Variants in RP1 observed in about 807,000 individuals in gnomAD.
RP1 encodes the protein RP1 axonemal microtubule associated.
RP1 carries 16 observed loss-of-function variants against 14.8 expected under a neutral mutation model. The observed-to-expected ratio is 1.08, with a 90% CI of 0.73 to 1.65. The LOEUF (loss-of-function observed/expected upper bound fraction) is 1.65. Ranked by LOEUF, RP1 falls within the 40% of genes most tolerant of loss-of-function variation. The pLI is 0.00. For missense variants in RP1, 2,631 were observed against 2,535.0 expected (o/e 1.04, Z -0.81); for synonymous variants, 876 against 883.6 (o/e 0.99, Z 0.15).
intron 14 of RP1, among the ~76,000 whole-genome samples, chr8:54,705,332 G>T (rs1209185850): frequency 6.6e-6 from 1 of 152,234 alleles, no homozygotes; most frequent in African/African-American, 2.4e-5. Flanking sequence ...AACATGGAAT[G>T]TGCACTGGTT....
chr8:54,852,806 A>T lies in RP1; in HGVS notation c.3990+78A>T, dbSNP rs144578469. The T allele has an allele frequency of 1.5e-4, 165 of 1,091,960 alleles. No homozygotes were observed. In the African/African-American group the frequency reaches 1.7e-3, roughly 11 times the overall value. The allele number at this position is 1,091,960 out of a possible 1,614,324, so 67.6% of individuals were successfully genotyped here. A position where few individuals can be genotyped will look rare whatever the true frequency, so the allele number is the denominator to read the frequency against. On this transcript the variant is annotated intron_variant, in intron 26 of 28. Coordinates refer to the RP1 transcript ENST00000637698. The stretch of plus-strand genomic sequence containing the variant: ...ATTTAACAAAAACACACACAAACAG[A>T]AAATTTCTGAGATGCTCAGTTGATT...
At position 54,624,153 on chromosome 8, in the gene RP1, A is replaced by T. The variant is rs556164123; in HGVS notation, c.788-517A>T. ...GTTTTCTCAAATAACTATTGGGAAA[A>T]CACATAGGCTGAGCGTGGTGGCTCA... is the stretch of plus-strand genomic sequence containing the variant. On this transcript the variant is annotated intron_variant, in intron 3 of 3. Coordinates refer to ENST00000220676, the MANE Select transcript of RP1 (RefSeq NM_006269.2). 1.7e-3 allele frequency among the ~76,000 whole-genome samples: 262 copies of T among 152,274 alleles called. 2 individuals carry two copies. Among genetic ancestry groups the T allele is most frequent in the South Asian group, 0.011 (51 of 4,820 alleles).
chr8:54,819,290 C>T (rs537091084), intron 24 of RP1, among the ~76,000 whole-genome samples: 113 of 152,048 alleles, frequency 7.4e-4, no homozygotes, highest in African/African-American at 2.6e-3. Flanking sequence ...TTTTCAGCTC[C>T]AGAATTTTTG....
chr8:54,740,125 A>C (rs1425136505), intron 19 of RP1, among the ~76,000 whole-genome samples: 2 of 149,478 alleles, frequency 1.3e-5, no homozygotes, highest in Admixed American at 6.7e-5. Context: ...GAGTGTACTC[A>C]TTCTACTTAT....
In RP1 at chr8:54,855,963, ACACACACACC is replaced by A. The variant is rs766416548; in HGVS notation, c.3991-1063_3991-1054del. ...CACACACACACACACACACACACAC[ACACACACACC>A]CCCTATAACCCAGCTGTTTCCCAAC... On this transcript the variant is annotated intron_variant, in intron 26 of 28. Transcript: ENST00000637698. Among the ~76,000 whole-genome samples the A allele has an allele frequency of 9.3e-3, 1,174 of 126,478 alleles. 10 individuals carry two copies. Among genetic ancestry groups the A allele is most frequent in the Non-Finnish European group, 0.013 (788 of 61,972 alleles). 83.0% of individuals were successfully genotyped at this position (126,478 alleles called of 152,430 possible). A position where few individuals can be genotyped will look rare whatever the true frequency, so the allele number is the denominator to read the frequency against.
Position 54,625,142 on chromosome 8 carries a change from C to T in RP1, c.1260C>T (p.Cys420=). Residue 420 remains cysteine, a synonymous_variant, in exon 4 of 4, where the codon TGC becomes TGT. Transcript: ENST00000220676. ...TGACAGATCAAGTGGCTGAAACTTGCAGTTCTGCTAGTTGGGAGAATGCTA... is the reference window on the plus strand; with the variant it reads ...TGACAGATCAAGTGGCTGAAACTTGTAGTTCTGCTAGTTGGGAGAATGCTA... The part of the protein sequence containing the change: ...IQMTDQVAET[C]SSASWENATV... 6.2e-7 allele frequency: 1 copy of T among 1,614,150 alleles called. No individual in the cohort carries two copies. Among genetic ancestry groups the T allele is most frequent in the South Asian group, 1.1e-5 (1 of 91,080 alleles).
At chr8:54,668,462 A>G (rs1275049700) in intron 7 of RP1, among the ~76,000 whole-genome samples, 2 of 152,204 alleles carry the variant, frequency 1.3e-5, no homozygotes, top group African/African-American at 4.8e-5. Context: ...AAGGTAATTT[A>G]TAGATTCAAT....
chr8:54,573,674 T>C (rs1366199315), intron 1 of RP1, among the ~76,000 whole-genome samples: 1 of 152,274 alleles, frequency 6.6e-6, no homozygotes, highest in African/African-American at 2.4e-5. Context: ...GCAGAGTGGA[T>C]CTGCAGTAAC....
chr8:54,705,881 A>T, intron 14 of RP1, among the ~76,000 whole-genome samples: 1 of 135,516 alleles, frequency 7.4e-6, no homozygotes, highest in African/African-American at 2.8e-5. Context: ...CACCATTTGT[A>T]TTTTATCTTT....
intron 24 of RP1, among the ~76,000 whole-genome samples, chr8:54,828,882 C>CTTTTTTTTTTTTTTTTTTTT (rs201534661): frequency 7.2e-5 from 6 of 83,898 alleles, no homozygotes; most frequent in African/African-American, 1.9e-4. Context: ...TCTTCTTCTT[C>CTTTTTTTTTTTTTTTTTTTT]TTTTTTTTTT....
intron 25 of RP1, among the ~76,000 whole-genome samples, chr8:54,838,661 G>A (rs754014550): frequency 3.3e-5 from 5 of 152,088 alleles, no homozygotes; most frequent in Non-Finnish European, 7.4e-5. Context: ...ATGTGTATAC[G>A]TGTGTGTGCA....
At chr8:54,865,543 G>A (rs1282304174) in intron 27 of RP1, among the ~76,000 whole-genome samples, 1 of 152,018 alleles carries the variant, frequency 6.6e-6, no homozygotes, top group Non-Finnish European at 1.5e-5. Context: ...ATGCATTTAT[G>A]TGAATTTACT....
rs187284677 is a variant in RP1 at position 54,836,874 on chromosome 8, G to C, written c.3616-576G>C. 1.6e-4 allele frequency among the ~76,000 whole-genome samples: 25 copies of C among 151,986 alleles called. No homozygotes were observed. In the East Asian group the frequency reaches 4.8e-3, roughly 29 times the overall value. ...ATAATTGATCAATTTTTTTTCATAT[G>C]ACCCCTGTAGGAATTTTCAAAAGAA... is the stretch of plus-strand genomic sequence containing the variant. On this transcript the variant is annotated intron_variant, in intron 24 of 28. Transcript: ENST00000637698.
At chr8:54,811,331 C>T (rs1232997327) in intron 24 of RP1, among the ~76,000 whole-genome samples, 1 of 152,174 alleles carries the variant, frequency 6.6e-6, no homozygotes, top group Non-Finnish European at 1.5e-5. Context: ...TCCCCAAACC[C>T]ACCTTTAGCA....
At chr8:54,593,176 A>AC (rs1489661951) in intron 1 of RP1, among the ~76,000 whole-genome samples, 5 of 152,168 alleles carry the variant, frequency 3.3e-5, no homozygotes, top group African/African-American at 1.2e-4. Flanking sequence ...CAGAAAAGCA[A>AC]CTGGCAAATA....
chr8:54,648,173 G>A (rs1806586773), intron 3 of RP1, among the ~76,000 whole-genome samples: 1 of 152,180 alleles, frequency 6.6e-6, no homozygotes, highest in Admixed American at 6.5e-5. Flanking sequence ...ATGTGGAACT[G>A]TGAGTCAATT....
exon 17 of RP1, chr8:54,726,353 G>A: frequency 6.6e-7 from 1 of 1,517,600 alleles, no homozygotes; most frequent in Non-Finnish European, 8.8e-7. Flanking sequence ...AGTTGGCAGA[G>A]AAAACCCAAT....
chr8:54,739,751 T>C (rs533939980), intron 19 of RP1, among the ~76,000 whole-genome samples: 1 of 152,168 alleles, frequency 6.6e-6, no homozygotes, highest in African/African-American at 2.4e-5. Context: ...TATGTGTAAA[T>C]ATCAATGTAA....
At chr8:54,571,251 C>A (rs1804514908) in intron 1 of RP1, among the ~76,000 whole-genome samples, 1 of 152,176 alleles carries the variant, frequency 6.6e-6, no homozygotes, top group African/African-American at 2.4e-5. Context: ...CTCCCTTGGC[C>A]CATAGACTGA....
Sources: gnomAD v4.1 joint callset for allele counts (sites outside exome capture counted in the v4.1 genomes callset) on GRCh38, gnomAD v4.1.1 for gene constraint, MANE v1.5 for transcripts, NCBI Gene and HGNC (gene_info 2026-07-23, HGNC 2026-07-21) for gene names.